WDFY4: variants seen among roughly 807,000 people sequenced by gnomAD.
WDFY4 encodes WDFY family member 4.
WDFY4 carries 169 observed loss-of-function variants against 351.9 expected under a neutral mutation model. That is an observed-to-expected ratio of 0.48 (90% CI 0.42 to 0.55). The LOEUF is 0.55. WDFY4 is among the 20% of genes least tolerant of loss of function. WDFY4 has a pLI of 0.00. For synonymous variants in WDFY4, 1,622 were observed against 1,574.6 expected, an observed-to-expected ratio of 1.03 and a Z score of -0.71; for missense variants, 3,803 against 3,935.6, an observed-to-expected ratio of 0.97 and a Z score of 0.90.
intron 22 of WDFY4, 148 bp from the exon 23 acceptor site, chr10:48,790,579 C>T: frequency 2.3e-6 from 2 of 857,192 alleles, no homozygotes. Context: ...CCTGCTCTTC[C>T]CCCCAGCCTG....
chr10:48,853,984 A>G (rs1315271082), intron 39 of WDFY4, among the ~76,000 whole-genome samples: 2 of 152,254 alleles, frequency 1.3e-5, no homozygotes, highest in Non-Finnish European at 2.9e-5. Flanking sequence ...TCTGAGCCAG[A>G]GTATAACCAA....
At chr10:48,924,119 G>A (rs1449277234) in intron 47 of WDFY4, among the ~76,000 whole-genome samples, 2 of 152,236 alleles carry the variant, frequency 1.3e-5, no homozygotes, top group African/African-American at 4.8e-5. Flanking sequence ...GGCTGGCTAG[G>A]ATAATGTACT....
Position 48,966,820 on chromosome 10 carries a change from T to C in WDFY4, c.8584+147T>C, listed in dbSNP as rs959631147. The C allele has an allele frequency of 6.6e-5, 74 of 1,121,996 alleles. No individual in the cohort carries two copies. The East Asian group carries it at 1.9e-3, about 30-fold the overall frequency. The allele number at this position is 1,121,996 out of a possible 1,614,324, so 69.5% of individuals were successfully genotyped here. ...GCTGCATCTCCAGTCACAGCCAGAT[T>C]CTAGGGGGGTGTCATCTCTGGGAAG... On this transcript the variant is annotated intron_variant, in intron 55 of 61. Transcript: ENST00000325239.
intron 32 of WDFY4, 150 bp downstream of exon 32, chr10:48,817,559 C>T (rs12264297): frequency 0.11 from 114,583 of 1,038,738 alleles, 7,247 homozygotes; most frequent in Middle Eastern, 0.16. Flanking sequence ...GCTTGGATAA[C>T]CATCCTTTTT....
intron 52 of WDFY4, among the ~76,000 whole-genome samples, chr10:48,959,255 T>G (rs768409412): frequency 3.3e-5 from 5 of 152,154 alleles, no homozygotes; most frequent in African/African-American, 7.2e-5. Flanking sequence ...AGAAAATGCA[T>G]AAATTATCAA....
chr10:48,823,246 C>A (rs1486800493), intron 35 of WDFY4: 1 of 1,301,856 alleles, frequency 7.7e-7, no homozygotes, highest in Admixed American at 2.3e-5. Context: ...TTGCTCAAAC[C>A]CTCCCTGTGA....
chr10:48,829,491 G>A (rs2068115518), intron 37 of WDFY4, among the ~76,000 whole-genome samples: 1 of 152,168 alleles, frequency 6.6e-6, no homozygotes, highest in Admixed American at 6.5e-5. Flanking sequence ...CAGAAGCTCT[G>A]CCACTCCTTC....
intron 57 of WDFY4, among the ~76,000 whole-genome samples, chr10:48,971,741 G>A (rs917708735): frequency 3.3e-5 from 5 of 152,234 alleles, no homozygotes; most frequent in African/African-American, 1.2e-4. Context: ...ATAGGGCAGT[G>A]CGAGAAGGGG....
At chr10:48,746,538 C>T (rs1405868980) in intron 12 of WDFY4, among the ~76,000 whole-genome samples, 5 of 151,810 alleles carry the variant, frequency 3.3e-5, no homozygotes, top group Non-Finnish European at 7.4e-5. Flanking sequence ...TCTCATTTAA[C>T]TGGAGAAAGT....
At chr10:48,977,740 C>T (rs1427868633) in intron 59 of WDFY4, among the ~76,000 whole-genome samples, 2 of 152,238 alleles carry the variant, frequency 1.3e-5, no homozygotes, top group African/African-American at 2.4e-5. Context: ...TCACTGAGCT[C>T]CTGGACTGGC....
intron 47 of WDFY4, among the ~76,000 whole-genome samples, chr10:48,924,006 G>A (rs1465512964): frequency 6.6e-6 from 1 of 152,226 alleles, no homozygotes; most frequent in African/African-American, 2.4e-5. Context: ...TGATGAGGAA[G>A]CAGCACGGAG....
chr10:48,808,120 C>A lies in WDFY4; in HGVS notation c.4838+162C>A, dbSNP rs185599180. 1.3e-3 allele frequency among the ~76,000 whole-genome samples: 191 copies of A among 152,326 alleles called. 1 individual carries two copies. The highest frequency in any genetic ancestry group is 4.1e-3 in the African/African-American group (170 of 41,566). ...AATTATATTCTCTCTACCCAATGAA[C>A]CAGACCTTGCCCTAAGATATTCTGA... On this transcript the variant is annotated intron_variant, in intron 28 of 61. Coordinates refer to ENST00000325239, the MANE Select transcript of WDFY4 (RefSeq NM_001394531.1).
chr10:48,943,102 G>GT (rs752599621), intron 48 of WDFY4, among the ~76,000 whole-genome samples: 4,786 of 147,072 alleles, frequency 0.033, 77 homozygotes, highest in Middle Eastern at 0.079. Flanking sequence ...ACTGCATTGG[G>GT]TTTTTTTTTT....
chr10:48,945,936 A>G (rs1841021539), intron 49 of WDFY4, 104 bp from the exon 50 acceptor site: 1 of 793,234 alleles, frequency 1.3e-6, no homozygotes, highest in Admixed American at 3.8e-5. Context: ...AGGTCAGACC[A>G]AATGACTGTA....
At chr10:48,954,971 A>G (rs1035279730) in intron 51 of WDFY4, among the ~76,000 whole-genome samples, 4 of 152,164 alleles carry the variant, frequency 2.6e-5, no homozygotes. Flanking sequence ...TCGTATGTAT[A>G]TATTATTTTT....
At chr10:48,811,982 C>T (rs1465052370) in intron 30 of WDFY4, among the ~76,000 whole-genome samples, 1 of 152,094 alleles carries the variant, frequency 6.6e-6, no homozygotes. Flanking sequence ...TCCTTTTGGG[C>T]ACAGCTAGGG....
chr10:48,900,451 G>A (rs1589836035), intron 46 of WDFY4, 145 bp downstream of exon 46: 1 of 699,108 alleles, frequency 1.4e-6, no homozygotes, highest in Non-Finnish European at 2.3e-6. Context: ...GGCACTGCTG[G>A]CCTGCAGAAC....
intron 2 of WDFY4, among the ~76,000 whole-genome samples, chr10:48,716,964 G>A (rs994366705): frequency 6.6e-6 from 1 of 152,232 alleles, no homozygotes; most frequent in African/African-American, 2.4e-5. Context: ...GCAGGTGGCA[G>A]CTATAAGTTT....
intron 10 of WDFY4, among the ~76,000 whole-genome samples, chr10:48,734,362 G>C (rs989699542): frequency 2.6e-5 from 4 of 151,862 alleles, no homozygotes; most frequent in African/African-American, 7.2e-5. Flanking sequence ...TTTTTTTTTA[G>C]ATCCAAAGAG....
Sources: allele counts gnomAD v4.1 joint callset (sites outside exome capture counted in the v4.1 genomes callset), GRCh38; gene constraint gnomAD v4.1.1; transcripts MANE v1.5; gene names NCBI Gene and HGNC (gene_info 2026-07-23, HGNC 2026-07-21).